The following USP34 variants were observed in gnomAD, a reference collection of about 807,000 sequenced individuals.
USP34 encodes the protein ubiquitin carboxyl-terminal hydrolase 34.
USP34 carries 70 observed loss-of-function variants against 460.3 expected under a neutral mutation model. The ratio of observed to expected loss-of-function variants is 0.15; its 90% CI spans 0.13 to 0.19. USP34 has a LOEUF of 0.19. Ranked by LOEUF, USP34 falls within the 10% of genes least tolerant of loss-of-function variation. The pLI is 1.00. For synonymous variants in USP34, 1,647 were observed against 1,405.3 expected, an observed-to-expected ratio of 1.17 and a Z score of -3.85; for missense variants, 3,985 against 4,236.2, an observed-to-expected ratio of 0.94 and a Z score of 1.65.
chr2:61,392,100 G>T (rs569075063), intron 5 of USP34, among the ~76,000 whole-genome samples: 10 of 152,156 alleles, frequency 6.6e-5, no homozygotes, highest in African/African-American at 2.2e-4. Context: ...CAGAATCTAA[G>T]CCTAAACCTT....
rs1403143670 is a variant in USP34, at chr2:61,237,616, G to A, written c.6778-1227C>T. 8.9e-5 allele frequency among the ~76,000 whole-genome samples: 12 copies of A among 135,298 alleles called. No homozygotes were observed. In the Middle Eastern group the frequency reaches 0.03, roughly 340 times the overall value. 88.8% of individuals were successfully genotyped at this position (135,298 alleles called of 152,430 possible). A position where few individuals can be genotyped will look rare whatever the true frequency, so the allele number is the denominator to read the frequency against. The stretch of plus-strand genomic sequence containing the variant: ...AGGGTCTCACTCTGTTACCTGGGCT[G>A]GAGTGCAGCAGCATGATCACAGCTC... On this transcript the variant is annotated intron_variant, in intron 53 of 79. Transcript: ENST00000398571.
At chr2:61,218,194 G>C (rs950126893) in intron 67 of USP34, among the ~76,000 whole-genome samples, 2 of 150,738 alleles carry the variant, frequency 1.3e-5, no homozygotes, top group Admixed American at 6.6e-5. Context: ...TTACGGTCAG[G>C]GGTCAAGACA....
intron 29 of USP34, 147 bp from the exon 30 acceptor site, chr2:61,297,072 T>A: frequency 9.3e-7 from 1 of 1,072,952 alleles, no homozygotes; most frequent in South Asian, 1.7e-5. Flanking sequence ...ATTTGTTATA[T>A]GATACATATT....
chr2:61,296,848 A>G lies in USP34; in HGVS notation c.4206T>C (p.Pro1402=). 1 of 1,613,918 alleles carries G rather than the reference A, an allele frequency of 6.2e-7. No individual in the cohort carries two copies. The highest frequency in any genetic ancestry group is 8.5e-7 in the Non-Finnish European group (1 of 1,179,890). Residue 1402 remains proline (P), a synonymous_variant, in exon 30 of 80, where the codon CCT becomes CCC. Transcript: ENST00000398571. The part of the protein sequence containing the change: ...RRVWELLMLL[P]TCPNMLMAFQ... Reference sequence around the variant, plus strand: ...ATGCCATCAACATATTAGGACATGTAGGAAGAAGCATCAGTAGCTCCCAGA... The same window carrying G: ...ATGCCATCAACATATTAGGACATGTGGGAAGAAGCATCAGTAGCTCCCAGA...
At chr2:61,417,369 T>A (rs1015927752) in intron 2 of USP34, 4 of 572,240 alleles carry the variant, frequency 7.0e-6, no homozygotes, top group Non-Finnish European at 1.3e-5. Context: ...GTCAGCTTAA[T>A]TGGCTGCAGG....
rs529141667 is a variant in USP34, at chr2:61,399,874, C to CAAAAAAAAAAAAAAAA, written c.553-4657_553-4642dup. ...GGCAACAGTGCGAGACACTGTCTCC[C>CAAAAAAAAAAAAAAAA]AAAAAAAAAAAAAAAAAGCTGTATT... is the stretch of plus-strand genomic sequence containing the variant. On this transcript the variant is annotated intron_variant, in intron 3 of 79. Transcript: ENST00000398571. 3.9e-3 allele frequency among the ~76,000 whole-genome samples: 271 copies of CAAAAAAAAAAAAAAAA among 69,848 alleles called. 20 individuals carry two copies. Among genetic ancestry groups the CAAAAAAAAAAAAAAAA allele is most frequent in the Non-Finnish European group, 4.3e-3 (168 of 38,716 alleles). 45.8% of individuals were successfully genotyped at this position (69,848 alleles called of 152,430 possible). A position where few individuals can be genotyped will look rare whatever the true frequency, so the allele number is the denominator to read the frequency against.
chr2:61,211,745 A>G (rs1687278270), intron 69 of USP34, 27 bp downstream of exon 69: 1 of 1,538,312 alleles, frequency 6.5e-7, no homozygotes, highest in Non-Finnish European at 8.7e-7. Flanking sequence ...GGAAATAAAC[A>G]AGACAAAACT....
chr2:61,357,303 A>T (rs1309720704), intron 10 of USP34, among the ~76,000 whole-genome samples: 1 of 152,242 alleles, frequency 6.6e-6, no homozygotes, highest in Non-Finnish European at 1.5e-5. Flanking sequence ...ACAACGCACA[A>T]ATATGTAGAA....
intron 1 of USP34, among the ~76,000 whole-genome samples, chr2:61,467,582 G>T (rs1478059463): frequency 1.4e-5 from 2 of 147,716 alleles, no homozygotes; most frequent in Admixed American, 6.8e-5. Context: ...ATTTAAAGAT[G>T]AATTCTGAGC....
Position 61,291,571 on chromosome 2 carries a change from T to C in USP34, c.4548+1893A>G, listed in dbSNP as rs141471899. 1.4e-4 allele frequency among the ~76,000 whole-genome samples: 22 copies of C among 152,310 alleles called. 1 individual carries two copies. In the East Asian group the frequency reaches 4.2e-3, roughly 29 times the overall value. On this transcript the variant is annotated intron_variant, in intron 33 of 79. Transcript: ENST00000398571. ...GAACAAACATTTCACCAAAGATTTA[T>C]GAATGAATGTGTTTGTGTGTGCATA...
intron 41 of USP34, among the ~76,000 whole-genome samples, chr2:61,270,262 C>T (rs921966233): frequency 6.6e-6 from 1 of 152,150 alleles, no homozygotes; most frequent in African/African-American, 2.4e-5. Context: ...CTAAGGGCTT[C>T]ATGAGAAGGT....
At chr2:61,449,097 C>T (rs753796629) in intron 1 of USP34, among the ~76,000 whole-genome samples, 13 of 151,896 alleles carry the variant, frequency 8.6e-5, no homozygotes, top group South Asian at 4.2e-4. Flanking sequence ...GTGGATGTTG[C>T]GGTGAGCCAA....
chr2:61,320,209 G>A (rs1690873720), intron 21 of USP34, among the ~76,000 whole-genome samples: 2 of 152,140 alleles, frequency 1.3e-5, no homozygotes, highest in African/African-American at 2.4e-5. Context: ...TTTCCAACTC[G>A]CTTATTCCAG....
chr2:61,214,168 C>G lies in USP34; in HGVS notation c.8574G>C (p.Leu2858=). The G allele has an allele frequency of 6.2e-7, 1 of 1,614,218 alleles. No homozygotes were observed. Among genetic ancestry groups the G allele is most frequent in the Non-Finnish European group, 8.5e-7 (1 of 1,180,032 alleles). Residue 2858 remains leucine, a synonymous_variant, in exon 68 of 80, where the codon CTG becomes CTC. Transcript: ENST00000398571. ...CAGGAGACTGCTCACAGCAGAGCCTCAGAATGCCATAGTACGCTGGCAGCA... is the reference window on the plus strand; with the variant it reads ...CAGGAGACTGCTCACAGCAGAGCCTGAGAATGCCATAGTACGCTGGCAGCA... ...RGMLPAYYGI[L]RLCCEQSPAF... is the part of the protein sequence containing the mutation.
chr2:61,384,518 C>T (rs563829958), intron 5 of USP34, among the ~76,000 whole-genome samples: 2 of 151,712 alleles, frequency 1.3e-5, no homozygotes, highest in South Asian at 4.2e-4. Flanking sequence ...CAAAAAAATA[C>T]AAAAATAAGC....
At chr2:61,325,822 T>C (rs1691069394) in intron 20 of USP34, among the ~76,000 whole-genome samples, 1 of 152,216 alleles carries the variant, frequency 6.6e-6, no homozygotes, top group Admixed American at 6.5e-5. Flanking sequence ...ACATACTTCA[T>C]ATCATAGTCC....
Position 61,246,419 on chromosome 2 carries a change from T to C in USP34, c.6453A>G (p.Ile2151Met). Residue 2151 changes from isoleucine to methionine, a missense_variant, in exon 50 of 80, where the codon ATA (isoleucine) becomes ATG (methionine). Coordinates refer to ENST00000398571, the MANE Select transcript of USP34 (RefSeq NM_014709.4). The part of the protein sequence containing the change: ...KDSESYEYDL[I>M]GVTVHTGTAD... ...CCGTTCCTGTGTGAACAGTCACTCCTATCAAGTCATATTCATAGCTCTCTG... is the reference window on the plus strand; with the variant it reads ...CCGTTCCTGTGTGAACAGTCACTCCCATCAAGTCATATTCATAGCTCTCTG... 6.2e-7 allele frequency: 1 copy of C among 1,609,386 alleles called. No homozygotes were observed. The highest frequency in any genetic ancestry group is 2.2e-5 in the East Asian group (1 of 44,646).
In USP34 at chr2:61,462,315, G is replaced by A. The variant is rs146434854; in HGVS notation, c.43+8335C>T. Among the ~76,000 whole-genome samples, 796 of 151,822 alleles carry A rather than the reference G, an allele frequency of 5.2e-3. 5 individuals carry two copies. Among genetic ancestry groups the A allele is most frequent in the African/African-American group, 0.018 (758 of 41,406 alleles). On this transcript the variant is annotated intron_variant, in intron 1 of 79. Transcript: ENST00000398571. ...TGTAATCCCAGCAGTTTGGGAGGCC[G>A]AGGTGGGTGAATCACTTGAGGCTAG...
At chr2:61,231,560 C>CA (rs1687906708) in intron 58 of USP34, among the ~76,000 whole-genome samples, 1 of 151,870 alleles carries the variant, frequency 6.6e-6, no homozygotes, top group South Asian at 2.1e-4. Context: ...CAAAAAAATA[C>CA]AAAAATTAGC....
Sources: gnomAD v4.1 joint callset for allele counts (sites outside exome capture counted in the v4.1 genomes callset) on GRCh38, gnomAD v4.1.1 for gene constraint, MANE v1.5 for transcripts, NCBI Gene and HGNC (gene_info 2026-07-23, HGNC 2026-07-21) for gene names.